The following ATAD5 variants were observed in gnomAD, a reference collection of about 807,000 sequenced individuals.
The protein encoded by ATAD5 is ATPase family AAA domain-containing protein 5.
A neutral mutation model predicts 176.9 loss-of-function variants in ATAD5; 58 were observed. That is an observed-to-expected ratio of 0.33 (90% CI 0.27 to 0.41). The LOEUF is 0.41. ATAD5 is among the 10% of genes least tolerant of loss of function. The pLI is 1.00. For missense variants in ATAD5, 1,789 were observed against 2,094.1 expected (o/e 0.85, Z 2.84); for synonymous variants, 640 against 712.6 (o/e 0.90, Z 1.62).
intron 6 of ATAD5, among the ~76,000 whole-genome samples, chr17:30,846,742 C>T (rs1387093622): frequency 3.0e-5 from 4 of 132,948 alleles, no homozygotes; most frequent in Admixed American, 1.6e-4. Context: ...TTTTTTGAGA[C>T]GGAGTTTCGC....
intron 2 of ATAD5, 95 bp downstream of exon 2, chr17:30,836,143 T>A: frequency 5.6e-6 from 6 of 1,068,388 alleles, no homozygotes; most frequent in Non-Finnish European, 7.8e-6. Context: ...TTTTTTTTTC[T>A]AGAACACAGC....
chr17:30,886,464 A>G (rs1909330156), intron 18 of ATAD5, among the ~76,000 whole-genome samples: 1 of 151,412 alleles, frequency 6.6e-6, no homozygotes, highest in African/African-American at 2.4e-5. Context: ...CAATGGTGTG[A>G]TCTTGGTTCA....
At chr17:30,890,095 C>T (rs538100461) in intron 19 of ATAD5, among the ~76,000 whole-genome samples, 36 of 151,800 alleles carry the variant, frequency 2.4e-4, no homozygotes, top group African/African-American at 7.0e-4. Context: ...CACTATGTTG[C>T]CCAGCCTGGT....
Position 30,863,220 on chromosome 17 carries a change from G to A in ATAD5, c.3137-2484G>A, listed in dbSNP as rs534017776. On this transcript the variant is annotated intron_variant, in intron 10 of 22. Transcript: ENST00000321990. Reference sequence around the variant, plus strand: ...AAAGAAAATTCCACATCTAACCTCTGGTCATAGTCAAAATGCCCAGGCTGG... The same window carrying A: ...AAAGAAAATTCCACATCTAACCTCTAGTCATAGTCAAAATGCCCAGGCTGG... 1.6e-4 allele frequency among the ~76,000 whole-genome samples: 25 copies of A among 152,096 alleles called. No individual in the cohort carries two copies. The South Asian group carries it at 5.0e-3, about 30-fold the overall frequency.
intron 6 of ATAD5, among the ~76,000 whole-genome samples, chr17:30,853,452 C>T (rs945969472): frequency 4.0e-5 from 6 of 151,650 alleles, no homozygotes; most frequent in East Asian, 3.9e-4. Context: ...TCCTCCTTCC[C>T]GCCAATTAAC....
chr17:30,838,673 G>C (rs1905901767), intron 3 of ATAD5, among the ~76,000 whole-genome samples: 1 of 152,098 alleles, frequency 6.6e-6, no homozygotes, highest in Non-Finnish European at 1.5e-5. Flanking sequence ...TATTCTTCTT[G>C]ATTTCATTCT....
Position 30,893,599 on chromosome 17 carries a change from C to G in ATAD5, c.4746C>G (p.Asp1582Glu), listed in dbSNP as rs748923791. The G allele has an allele frequency of 3.1e-6, 5 of 1,613,890 alleles. No homozygotes were observed. The highest frequency in any genetic ancestry group is 4.2e-6 in the Non-Finnish European group (5 of 1,179,932). ...ILDDSDLFDT[D>E]LDFPDQSISL... ...ATGATAGTGATCTATTTGACACTGA[C>G]TTGGACTTTCCTGATCAATCTATTA... The change falls in exon 21 of 23, where the codon GAC becomes GAG. Residue 1582 changes from aspartate to glutamate, a missense_variant. Asp to Glu is a conservative substitution (Grantham distance 45, BLOSUM62 2). Coordinates refer to ENST00000321990, the MANE Select transcript of ATAD5 (RefSeq NM_024857.5).
In ATAD5 at chr17:30,858,175, G is replaced by A; in HGVS notation, c.2808G>A (p.Arg936=). The change falls in exon 9 of 23, where the codon AGG becomes AGA. Residue 936 remains arginine (R), a synonymous_variant. Transcript: ENST00000321990. ...GNSAAVFMRT[R]KEFTEEVRNL... Reference sequence around the variant, plus strand: ...CTTTATTGCAGTTCATGAGGACAAGGAAGGAATTTACTGAAGAAGTAAGAA... The same window carrying A: ...CTTTATTGCAGTTCATGAGGACAAGAAAGGAATTTACTGAAGAAGTAAGAA... The A allele has an allele frequency of 6.4e-7, 1 of 1,564,368 alleles. No homozygotes were observed. Among genetic ancestry groups the A allele is most frequent in the Non-Finnish European group, 8.6e-7 (1 of 1,157,658 alleles).
Position 30,877,571 on chromosome 17 carries a change from T to A in ATAD5, c.3918+22T>A, listed in dbSNP as rs756461810. The A allele has an allele frequency of 1.0e-5, 16 of 1,586,870 alleles. No homozygotes were observed. The Admixed American group carries it at 3.1e-4, about 31-fold the overall frequency. On this transcript the variant is annotated intron_variant, in intron 16 of 22. Transcript: ENST00000321990. ...GGAGGTAGGCTTATAGAAGTATACA[T>A]TTGTGAGAGCTCATGATAAAGACTT...
chr17:30,874,755 C>T lies in ATAD5; in HGVS notation c.3608-1619C>T, dbSNP rs577443147. On this transcript the variant is annotated intron_variant, in intron 14 of 22. Coordinates refer to ENST00000321990, the MANE Select transcript of ATAD5 (RefSeq NM_024857.5). ...AAGTGATTCTCCTGCCTCAGCCTCCCGAGTAGCTGGGATTACAGGCACCTG... is the reference window on the plus strand; with the variant it reads ...AAGTGATTCTCCTGCCTCAGCCTCCTGAGTAGCTGGGATTACAGGCACCTG... Among the ~76,000 whole-genome samples, 146 of 150,178 alleles carry T rather than the reference C, an allele frequency of 9.7e-4. 1 individual carries two copies. The highest frequency in any genetic ancestry group is 1.8e-3 in the Non-Finnish European group (123 of 67,608).
In ATAD5 at chr17:30,860,477, G is replaced by A. The variant is rs566790418; in HGVS notation, c.3001G>A (p.Val1001Ile). Residue 1001 changes from valine to isoleucine, a missense_variant, in exon 10 of 23, where the codon GTA becomes ATA. This residue lies in a region of ATAD5 where 487 missense variants were observed against 573.6 expected (regional missense o/e 0.85). Coordinates refer to ENST00000321990, the MANE Select transcript of ATAD5 (RefSeq NM_024857.5). ...CCATAAAGAAACCAAAAGGAAACTCGTAGAAGCAGAAAATTCTAAGTCAAA... is the reference window on the plus strand; with the variant it reads ...CCATAAAGAAACCAAAAGGAAACTCATAGAAGCAGAAAATTCTAAGTCAAA... ...VSHKETKRKL[V>I]EAENSKSKRK... The A allele has an allele frequency of 1.8e-5, 28 of 1,599,086 alleles. No homozygotes were observed. Among genetic ancestry groups the A allele is most frequent in the Non-Finnish European group, 2.0e-5 (23 of 1,176,868 alleles).
chr17:30,832,975 A>G (rs1905472620), intron 1 of ATAD5, among the ~76,000 whole-genome samples: 1 of 152,206 alleles, frequency 6.6e-6, no homozygotes, highest in African/African-American at 2.4e-5. Flanking sequence ...CTAAGCGGTC[A>G]TTATAAAGAG....
At chr17:30,857,925 A>G (rs55756553) in intron 8 of ATAD5, among the ~76,000 whole-genome samples, 16,129 of 152,024 alleles carry the variant, frequency 0.11, 962 homozygotes, top group South Asian at 0.24. Flanking sequence ...TATTTTTAGT[A>G]GACACGGGGT....
chr17:30,892,842 C>A, intron 20 of ATAD5, 54 bp downstream of exon 20: 1 of 1,331,202 alleles, frequency 7.5e-7, no homozygotes, highest in Non-Finnish European at 1.0e-6. Flanking sequence ...TTCATATTCC[C>A]AACATTAGCC....
chr17:30,876,702 C>CTTTTT (rs202065630), intron 15 of ATAD5, 152 bp downstream of exon 15: 9 of 127,774 alleles, frequency 7.0e-5, no homozygotes, highest in East Asian at 1.5e-4. Context: ...ATTTTGTTTC[C>CTTTTT]TTTTTTTTTT....
At chr17:30,879,664 G>A (rs965032490) in intron 18 of ATAD5, among the ~76,000 whole-genome samples, 177 bp downstream of exon 18, 1 of 151,510 alleles carries the variant, frequency 6.6e-6, no homozygotes, top group African/African-American at 2.4e-5. Flanking sequence ...CCGGGTTCAC[G>A]CCATTCTCCT....
At chr17:30,840,322 A>G (rs535037180) in intron 3 of ATAD5, among the ~76,000 whole-genome samples, 1 of 152,068 alleles carries the variant, frequency 6.6e-6, no homozygotes, top group Non-Finnish European at 1.5e-5. Flanking sequence ...GGATTTGGAA[A>G]GTACTTTGCC....
chr17:30,855,360 CTT>C (rs751209648), intron 7 of ATAD5, 33 bp downstream of exon 7: 1 of 1,531,712 alleles, frequency 6.5e-7, no homozygotes, highest in South Asian at 1.3e-5. Flanking sequence ...AATATTTACT[CTT>C]CAGCTGTTAG....
At chr17:30,833,044 C>A (rs1192999252) in intron 1 of ATAD5, among the ~76,000 whole-genome samples, 1 of 152,188 alleles carries the variant, frequency 6.6e-6, no homozygotes, top group East Asian at 1.9e-4. Flanking sequence ...ATATTTTACA[C>A]CTTTTCATCT....
Sources: gnomAD v4.1 joint callset for allele counts (sites outside exome capture counted in the v4.1 genomes callset) on GRCh38, gnomAD v4.1.1 for gene constraint, gnomAD v4.1.1 regional missense constraint, MANE v1.5 for transcripts, NCBI Gene and HGNC (gene_info 2026-07-23, HGNC 2026-07-21) for gene names.